The following MYO7B variants were observed in gnomAD, a reference collection of about 807,000 sequenced individuals.
The protein encoded by MYO7B is myosin VIIB, also known as unconventional myosin-VIIb.
A neutral mutation model predicts 259.7 loss-of-function variants in MYO7B; 212 were observed. The observed-to-expected ratio is 0.82, with a 90% CI of 0.73 to 0.91. The LOEUF is 0.91. Among genes scored for constraint, MYO7B ranks in the 40% least tolerant of loss-of-function variants. MYO7B has a pLI of 0.00. For missense variants in MYO7B, 2,732 were observed against 2,813.5 expected, an observed-to-expected ratio of 0.97 and a Z score of 0.66; for synonymous variants, 1,197 against 1,166.4, an observed-to-expected ratio of 1.03 and a Z score of -0.54.
At chr2:127,630,121 G>T (rs990280742) in intron 35 of MYO7B, among the ~76,000 whole-genome samples, 1 of 152,152 alleles carries the variant, frequency 6.6e-6, no homozygotes, top group African/African-American at 2.4e-5. Context: ...GACCCAGGGG[G>T]ACTCAAGTCT....
intron 12 of MYO7B, among the ~76,000 whole-genome samples, 182 bp downstream of exon 12, chr2:127,582,628 A>C (rs1005105496): frequency 1.3e-5 from 2 of 152,132 alleles, no homozygotes; most frequent in African/African-American, 4.8e-5. Flanking sequence ...AGGCTGCACA[A>C]CTAAAAGCTG....
intron 6 of MYO7B, 24 bp from the exon 7 acceptor site, chr2:127,573,896 T>TGAA: frequency 1.2e-6 from 2 of 1,613,946 alleles, no homozygotes; most frequent in Non-Finnish European, 1.7e-6. Flanking sequence ...GCTCCCATCA[T>TGAA]GGGCATCGCC....
rs781225922 is a variant in MYO7B, at chr2:127,632,444, G to A, written c.5405+43G>A. The A allele has an allele frequency of 6.5e-5, 98 of 1,497,010 alleles. 1 individual carries two copies. Among genetic ancestry groups the A allele is most frequent in the South Asian group, 1.9e-4 (14 of 73,958 alleles). The allele number at this position is 1,497,010 out of a possible 1,614,324, so 92.7% of individuals were successfully genotyped here. On this transcript the variant is annotated intron_variant, in intron 39 of 47. Transcript: ENST00000409816. ...AGCCCCCAGCATTGGCCCTGGGCCC[G>A]CAGACCTGGGATGCTGTGGGGCCTG...
In MYO7B at chr2:127,590,622, G is replaced by A. The variant is rs1679521214; in HGVS notation, c.1992+393G>A. Among the ~76,000 whole-genome samples, 1 of 152,222 alleles carries A rather than the reference G, an allele frequency of 6.6e-6. No homozygotes were observed. The highest frequency in any genetic ancestry group is 1.5e-5 in the Non-Finnish European group (1 of 68,044). On this transcript the variant is annotated intron_variant, in intron 16 of 47. Transcript: ENST00000409816. The surrounding 1 kb of genome is among the most constrained non-coding windows in gnomAD (Gnocchi z 4.6). Reference sequence around the variant, plus strand: ...CCACACTCAACAAAGGCAGAAATCAGTAATAGGACTTTAGAGGCTGACACC... The same window carrying A: ...CCACACTCAACAAAGGCAGAAATCAATAATAGGACTTTAGAGGCTGACACC...
chr2:127,566,898 A>C, intron 5 of MYO7B, 71 bp downstream of exon 5: 1 of 1,485,780 alleles, frequency 6.7e-7, no homozygotes, highest in Non-Finnish European at 9.1e-7. Flanking sequence ...TGCCTGCAAG[A>C]TCAGGCGAGA....
Position 127,577,424 on chromosome 2 carries a change from G to A in MYO7B, c.850-709G>A, listed in dbSNP as rs142908176. Among the ~76,000 whole-genome samples, 1 of 152,168 alleles carries A rather than the reference G, an allele frequency of 6.6e-6. No individual in the cohort carries two copies. Among genetic ancestry groups the A allele is most frequent in the Non-Finnish European group, 1.5e-5 (1 of 68,022 alleles). ...GTTTGCACTGTAGTGTCATGCTTTG[G>A]ATGGCACTGCTGCAGTGACCCCTGC... On this transcript the variant is annotated intron_variant, in intron 8 of 47. Coordinates refer to ENST00000409816, the MANE Select transcript of MYO7B (RefSeq NM_001393586.1). This position sits in a 1 kb window ranked among gnomAD's most constrained non-coding sequence, Gnocchi z 5.2.
At position 127,546,459 on chromosome 2, in the gene MYO7B, C is replaced by T. The variant is rs1693231234; in HGVS notation, c.-24+10628C>T. Among the ~76,000 whole-genome samples the T allele has an allele frequency of 6.6e-6, 1 of 152,212 alleles. No homozygotes were observed. ...TTTCAGCATATTCTTACCCACTCTA[C>T]CCATACTCCAGTTCAGTGGCACCAC... On this transcript the variant is annotated intron_variant, in intron 1 of 47. Coordinates refer to ENST00000409816, the MANE Select transcript of MYO7B (RefSeq NM_001393586.1). This position sits in a 1 kb window ranked among gnomAD's most constrained non-coding sequence, Gnocchi z 4.2.
chr2:127,561,374 T>G (rs1295130231), intron 2 of MYO7B, among the ~76,000 whole-genome samples: 1 of 151,908 alleles, frequency 6.6e-6, no homozygotes, highest in Non-Finnish European at 1.5e-5. Context: ...TCCTCCCACC[T>G]CAGCCTCCTG....
intron 1 of MYO7B, among the ~76,000 whole-genome samples, chr2:127,538,237 G>T (rs1467890097): frequency 6.6e-6 from 1 of 151,970 alleles, no homozygotes; most frequent in Non-Finnish European, 1.5e-5. Context: ...CTTGGGCACT[G>T]TTGGCGCCTG....
intron 34 of MYO7B, 51 bp from the exon 35 acceptor site, chr2:127,629,594 A>G: frequency 1.9e-6 from 3 of 1,546,272 alleles, no homozygotes; most frequent in South Asian, 2.4e-5. Context: ...ATTCCAGCAC[A>G]GCCTCTGGCC....
chr2:127,551,344 G>A (rs747440688), intron 1 of MYO7B, among the ~76,000 whole-genome samples: 7 of 152,206 alleles, frequency 4.6e-5, no homozygotes, highest in Non-Finnish European at 7.3e-5. Context: ...TGGGGCTGGA[G>A]GGTCCCTTCC....
intron 43 of MYO7B, 163 bp from the exon 44 acceptor site, chr2:127,635,559 C>G: frequency 3.8e-6 from 3 of 796,730 alleles, no homozygotes; most frequent in South Asian, 1.8e-5. Context: ...GGGCCCTGCC[C>G]TGACTCAGGG....
intron 19 of MYO7B, among the ~76,000 whole-genome samples, chr2:127,601,193 A>C (rs1038278061): frequency 2.0e-5 from 3 of 152,226 alleles, no homozygotes; most frequent in Non-Finnish European, 2.9e-5. Flanking sequence ...ACTCTGTATG[A>C]ATTAAGTTCT....
chr2:127,607,408 A>G lies in MYO7B; in HGVS notation c.2627A>G (p.Gln876Arg), dbSNP rs1406123524. The G allele has an allele frequency of 5.2e-6, 8 of 1,550,962 alleles. No homozygotes were observed. In the Admixed American group the frequency reaches 1.2e-4, roughly 23 times the overall value. ...ARGMAARRNF[Q>R]QRKANAPLVI... The stretch of plus-strand genomic sequence containing the variant: ...GGCATGGCTGCCCGGCGCAACTTCC[A>G]GCAAAGGAAGGCCAATGTAGGTGGT... The change falls in exon 21 of 48, where the codon CAG becomes CGG. Residue 876 changes from glutamine to arginine, a missense_variant. This residue lies in a region of MYO7B where 1,906 missense variants were observed against 2,026.4 expected (regional missense o/e 0.94). Transcript: ENST00000409816. This position sits in a 1 kb window ranked among gnomAD's most constrained non-coding sequence, Gnocchi z 4.4.
intron 5 of MYO7B, among the ~76,000 whole-genome samples, chr2:127,569,567 G>T (rs748326709): frequency 1.3e-5 from 2 of 152,138 alleles, no homozygotes; most frequent in Non-Finnish European, 2.9e-5. Context: ...GGAACTTGCA[G>T]CCAAGCACAG....
intron 4 of MYO7B, 99 bp downstream of exon 4, chr2:127,565,484 A>G: frequency 4.8e-6 from 7 of 1,453,358 alleles, no homozygotes; most frequent in Non-Finnish European, 4.7e-6. Flanking sequence ...ACTGCCCCCC[A>G]TGCCCTCACT....
At position 127,612,753 on chromosome 2, in the gene MYO7B, C is replaced by T. The variant is rs147470560; in HGVS notation, c.3398+150C>T. On this transcript the variant is annotated intron_variant, in intron 26 of 47. Coordinates refer to ENST00000409816, the MANE Select transcript of MYO7B (RefSeq NM_001393586.1). Reference sequence around the variant, plus strand: ...GGTCTCAGGACAGCAGATGTCATAGCTACCGAGGGTTCTCTATGTGCTCTG... The same window carrying T: ...GGTCTCAGGACAGCAGATGTCATAGTTACCGAGGGTTCTCTATGTGCTCTG... 2.4e-4 allele frequency: 309 copies of T among 1,277,716 alleles called. 1 individual carries two copies. In the African/African-American group the frequency reaches 4.3e-3, roughly 18 times the overall value. The allele number at this position is 1,277,716 out of a possible 1,614,324, so 79.1% of individuals were successfully genotyped here. A position where few individuals can be genotyped will look rare whatever the true frequency, so the allele number is the denominator to read the frequency against.
rs12999486 is a variant in MYO7B at position 127,576,838 on chromosome 2, C to T, written c.849+130C>T. ...GGGCCCCTGAGGCGGGGCTGGTTCC[C>T]TTTGCCTCTCCTCGCCAGCCCCTCT... On this transcript the variant is annotated intron_variant, in intron 8 of 47. Transcript: ENST00000409816. This position sits in a 1 kb window ranked among gnomAD's most constrained non-coding sequence, Gnocchi z 4.9. The T allele has an allele frequency of 0.16, 99,280 of 607,916 alleles. 9,001 individuals carry two copies. Among genetic ancestry groups the T allele is most frequent in the South Asian group, 0.27 (12,752 of 47,286 alleles). The allele number at this position is 607,916 out of a possible 1,614,324, so 37.7% of individuals were successfully genotyped here.
intron 1 of MYO7B, among the ~76,000 whole-genome samples, chr2:127,552,363 A>C (rs1249541660): frequency 6.6e-6 from 1 of 152,028 alleles, no homozygotes; most frequent in Non-Finnish European, 1.5e-5. Flanking sequence ...TAGACAGAGG[A>C]GACATGGAAG....
Sources: gnomAD v4.1 joint callset for allele counts (sites outside exome capture counted in the v4.1 genomes callset) on GRCh38, gnomAD v4.1.1 for gene constraint, gnomAD v4.1.1 regional missense constraint, Gnocchi (gnomAD v3.1) non-coding constraint, MANE v1.5 for transcripts, NCBI Gene and HGNC (gene_info 2026-07-23, HGNC 2026-07-21) for gene names.